The following BTBD9 variants were observed in gnomAD, a reference collection of about 807,000 sequenced individuals.
The protein encoded by BTBD9 is BTB domain containing 9.
A neutral mutation model predicts 64.3 loss-of-function variants in BTBD9; 49 were observed. The ratio of observed to expected loss-of-function variants is 0.76; its 90% CI spans 0.61 to 0.97. The LOEUF is 0.97. Among genes scored for constraint, BTBD9 ranks in the 50% least tolerant of loss-of-function variants. The pLI is 0.00. For missense variants in BTBD9, 598 were observed against 762.1 expected (o/e 0.78, Z 2.53); for synonymous variants, 260 against 274.7 (o/e 0.95, Z 0.53).
chr6:38,384,536 T>C (rs371742903), intron 6 of BTBD9, among the ~76,000 whole-genome samples: 1 of 152,330 alleles, frequency 6.6e-6, no homozygotes, highest in East Asian at 1.9e-4. Flanking sequence ...TCAGCACTTA[T>C]AAACTGCAAT....
At chr6:38,387,389 T>C (rs1336233176) in intron 6 of BTBD9, among the ~76,000 whole-genome samples, 1 of 151,982 alleles carries the variant, frequency 6.6e-6, no homozygotes. Flanking sequence ...ATACAAAAAT[T>C]AGCCGGGTGT....
chr6:38,439,827 G>A (rs903749999), intron 6 of BTBD9, among the ~76,000 whole-genome samples: 7 of 152,130 alleles, frequency 4.6e-5, no homozygotes, highest in African/African-American at 1.7e-4. Context: ...CTGAGTAGCT[G>A]GGACTACAGG....
chr6:38,469,993 C>T lies in BTBD9; in HGVS notation c.1154+107607G>A, dbSNP rs963218366. Among the ~76,000 whole-genome samples, 3 of 152,292 alleles carry T rather than the reference C, an allele frequency of 2.0e-5. No individual in the cohort carries two copies. The South Asian group carries it at 6.2e-4, about 32-fold the overall frequency. ...CAGAAAATACTGTAAAATACTTCCT[C>T]AGAAAACAAAAGACATCAAAATAAC... On this transcript the variant is annotated intron_variant, in intron 6 of 10. Coordinates refer to ENST00000481247, the MANE Select transcript of BTBD9 (RefSeq NM_001099272.2).
intron 6 of BTBD9, among the ~76,000 whole-genome samples, chr6:38,412,994 CG>C (rs1354945269): frequency 3.3e-5 from 5 of 152,284 alleles, no homozygotes; most frequent in Admixed American, 3.3e-4. Flanking sequence ...TGGTACTTAA[CG>C]GAACTGTTCA....
chr6:38,618,402 A>G (rs572930341), intron 1 of BTBD9, among the ~76,000 whole-genome samples: 2 of 152,348 alleles, frequency 1.3e-5, no homozygotes, highest in South Asian at 4.1e-4. Flanking sequence ...TTTTCATTGA[A>G]GTATAATCCA....
At chr6:38,368,513 T>G (rs2294739) in intron 6 of BTBD9, among the ~76,000 whole-genome samples, 56,083 of 151,766 alleles carry the variant, frequency 0.37, 12,578 homozygotes, top group East Asian at 0.84. Flanking sequence ...TTTTGTATTA[T>G]TAATAGAGAT....
chr6:38,240,799 C>G (rs1036308052), intron 9 of BTBD9, among the ~76,000 whole-genome samples: 3 of 152,138 alleles, frequency 2.0e-5, no homozygotes, highest in African/African-American at 7.2e-5. Context: ...AACTTGATTA[C>G]TTCTTAATGT....
At chr6:38,502,976 A>C (rs760547501) in intron 6 of BTBD9, among the ~76,000 whole-genome samples, 6 of 152,334 alleles carry the variant, frequency 3.9e-5, no homozygotes, top group Non-Finnish European at 8.8e-5. Context: ...TAGGTGCTCC[A>C]CACTATGGAA....
At chr6:38,325,638 T>G (rs553187723) in intron 7 of BTBD9, among the ~76,000 whole-genome samples, 9 of 152,268 alleles carry the variant, frequency 5.9e-5, no homozygotes, top group African/African-American at 2.2e-4. Flanking sequence ...TGAGCCAAGA[T>G]CGTGCCACTG....
chr6:38,401,626 T>C (rs968297221), intron 6 of BTBD9, among the ~76,000 whole-genome samples: 1 of 152,222 alleles, frequency 6.6e-6, no homozygotes, highest in Non-Finnish European at 1.5e-5. Context: ...AATATTTCCA[T>C]GTTGCTTAAT....
chr6:38,624,282 C>G (rs1255865866), intron 1 of BTBD9, among the ~76,000 whole-genome samples: 4 of 152,154 alleles, frequency 2.6e-5, no homozygotes, highest in African/African-American at 4.8e-5. Flanking sequence ...GCTGGCCACC[C>G]CAGCCAGCAG....
chr6:38,270,887 T>C (rs930394957), intron 8 of BTBD9, among the ~76,000 whole-genome samples: 1 of 152,158 alleles, frequency 6.6e-6, no homozygotes, highest in African/African-American at 2.4e-5. Flanking sequence ...CAACTCTGAC[T>C]CTGTCTTGCT....
chr6:38,610,881 A>C (rs1777594150), intron 1 of BTBD9, among the ~76,000 whole-genome samples: 1 of 151,162 alleles, frequency 6.6e-6, no homozygotes, highest in Admixed American at 6.6e-5. Flanking sequence ...TAAGGTTATT[A>C]ATTACAGCAT....
intron 6 of BTBD9, among the ~76,000 whole-genome samples, chr6:38,390,276 G>A (rs553777172): frequency 4.6e-5 from 7 of 152,274 alleles, no homozygotes; most frequent in African/African-American, 1.4e-4. Flanking sequence ...GTAGAGATGA[G>A]GTTTCACCAT....
chr6:38,227,265 T>C (rs968520633), intron 9 of BTBD9, among the ~76,000 whole-genome samples: 1 of 152,264 alleles, frequency 6.6e-6, no homozygotes, highest in Non-Finnish European at 1.5e-5. Flanking sequence ...TTAGGGTTTG[T>C]ACTTTGAGGT....
chr6:38,263,038 A>G lies in BTBD9; in HGVS notation c.1455-6522T>C, dbSNP rs6905224. ...TTGCTAAATTTTCTCATTTGGGTGA[A>G]AACCAACTAAAGGAAGATCAGCAAC... is the stretch of plus-strand genomic sequence containing the variant. On this transcript the variant is annotated intron_variant, in intron 8 of 10. Coordinates refer to ENST00000481247, the MANE Select transcript of BTBD9 (RefSeq NM_001099272.2). Among the ~76,000 whole-genome samples, 1,135 of 152,366 alleles carry G rather than the reference A, an allele frequency of 7.4e-3. 16 individuals are homozygous for G. Among genetic ancestry groups the G allele is most frequent in the African/African-American group, 0.023 (968 of 41,580 alleles).
intron 6 of BTBD9, among the ~76,000 whole-genome samples, chr6:38,527,620 CTA>C (rs1177203801): frequency 6.6e-6 from 1 of 152,112 alleles, no homozygotes; most frequent in African/African-American, 2.4e-5. Context: ...CCATGCAGAA[CTA>C]TGAGTCAATT....
chr6:38,182,910 T>C (rs76170414), intron 10 of BTBD9, among the ~76,000 whole-genome samples: 5,491 of 112,912 alleles, frequency 0.049, 241 homozygotes, highest in Admixed American at 0.15. Context: ...TGTCCTGCTT[T>C]TCCTCTCTTT....
intron 6 of BTBD9, among the ~76,000 whole-genome samples, chr6:38,489,956 T>C (rs544037256): frequency 1.3e-5 from 2 of 152,348 alleles, no homozygotes; most frequent in East Asian, 1.9e-4. Context: ...TTTGTTGTTG[T>C]TTTAATCTTG....
Sources: allele counts gnomAD v4.1 joint callset (sites outside exome capture counted in the v4.1 genomes callset), GRCh38; gene constraint gnomAD v4.1.1; transcripts MANE v1.5; gene names NCBI Gene and HGNC (gene_info 2026-07-23, HGNC 2026-07-21).